Variants in CDYL observed in about 807,000 individuals in gnomAD.
CDYL encodes chromodomain Y-like protein.
A neutral mutation model predicts 47.3 loss-of-function variants in CDYL; 8 were observed. The observed-to-expected ratio is 0.17, with a 90% CI of 0.10 to 0.31. The LOEUF (loss-of-function observed/expected upper bound fraction) is 0.31. CDYL is among the 10% of genes least tolerant of loss of function. The pLI is 1.00. For missense variants in CDYL, 471 were observed against 701.4 expected, an observed-to-expected ratio of 0.67 and a Z score of 3.71; for synonymous variants, 266 against 265.0, an observed-to-expected ratio of 1.00 and a Z score of -0.04.
intron 2 of CDYL, among the ~76,000 whole-genome samples, chr6:4,721,153 G>A (rs192889924): frequency 7.9e-5 from 12 of 152,278 alleles, no homozygotes; most frequent in African/African-American, 2.6e-4. Context: ...ATGCAGGAAG[G>A]ATAGGGAAAC....
At chr6:4,927,122 C>A (rs1222812233) in intron 2 of CDYL, among the ~76,000 whole-genome samples, 1 of 152,164 alleles carries the variant, frequency 6.6e-6, no homozygotes, top group Non-Finnish European at 1.5e-5. Context: ...GGGCTTTTGG[C>A]AATTTTTCCA....
intron 1 of CDYL, among the ~76,000 whole-genome samples, chr6:4,790,817 G>A (rs1032782619): frequency 5.3e-5 from 8 of 152,200 alleles, no homozygotes; most frequent in Non-Finnish European, 1.0e-4. Context: ...ATCATGGAAA[G>A]CAATTTTTGA....
At chr6:4,777,405 C>T (rs1758499472) in intron 1 of CDYL, among the ~76,000 whole-genome samples, 1 of 152,198 alleles carries the variant, frequency 6.6e-6, no homozygotes, top group Non-Finnish European at 1.5e-5. Flanking sequence ...ATTTGCGCCG[C>T]AGCGTTGCAA....
chr6:4,833,136 G>A (rs1581197955), intron 1 of CDYL, among the ~76,000 whole-genome samples: 1 of 143,772 alleles, frequency 7.0e-6, no homozygotes, highest in South Asian at 2.2e-4. Context: ...GTTTGCTCTT[G>A]CTTTTCTAGT....
chr6:4,794,510 A>C (rs75513435), intron 1 of CDYL, among the ~76,000 whole-genome samples: 1 of 152,102 alleles, frequency 6.6e-6, no homozygotes, highest in Non-Finnish European at 1.5e-5. Flanking sequence ...AGTGCCGGGC[A>C]GGCTCCGGGG....
intron 1 of CDYL, among the ~76,000 whole-genome samples, chr6:4,822,384 A>T (rs1046961730): frequency 2.0e-5 from 3 of 150,954 alleles, no homozygotes; most frequent in African/African-American, 7.5e-5. Flanking sequence ...ATAGAAATAT[A>T]AAAAGCATTA....
At chr6:4,754,306 G>A (rs1029193208) in intron 3 of CDYL, among the ~76,000 whole-genome samples, 2 of 152,234 alleles carry the variant, frequency 1.3e-5, no homozygotes, top group African/African-American at 4.8e-5. Context: ...GTTAAGTCAT[G>A]AATGCAAACC....
chr6:4,721,219 AAAC>A (rs1263259841), intron 2 of CDYL, among the ~76,000 whole-genome samples: 2 of 152,176 alleles, frequency 1.3e-5, no homozygotes, highest in Non-Finnish European at 1.5e-5. Context: ...AACCACATTC[AAAC>A]AACCTTATTT....
In CDYL at chr6:4,708,601, T is replaced by C. The variant is rs562932715; in HGVS notation, c.-39+2350T>C. Among the ~76,000 whole-genome samples the C allele has an allele frequency of 2.0e-5, 3 of 152,394 alleles. No homozygotes were observed. In the South Asian group the frequency reaches 6.2e-4, roughly 32 times the overall value. ...GGTGTTATATGTTTATGATGATTATTTTGATTTTATACTGTTCCTTAAACA... is the reference window on the plus strand; with the variant it reads ...GGTGTTATATGTTTATGATGATTATCTTGATTTTATACTGTTCCTTAAACA... On this transcript the variant is annotated intron_variant, in intron 1 of 8. Coordinates refer to the CDYL transcript ENST00000328908.
chr6:4,721,208 A>G (rs9405768), intron 2 of CDYL, among the ~76,000 whole-genome samples: 19,507 of 152,168 alleles, frequency 0.13, 1,530 homozygotes, highest in African/African-American at 0.23. Context: ...TTTCAACTAG[A>G]AACCACATTC....
intron 3 of CDYL, among the ~76,000 whole-genome samples, chr6:4,735,900 C>T (rs572100515): frequency 1.8e-4 from 8 of 43,398 alleles, no homozygotes; most frequent in African/African-American, 4.1e-4. Context: ...CATGTGTGCA[C>T]GTGATGGGGG....
At chr6:4,802,908 C>A (rs62386577) in intron 1 of CDYL, among the ~76,000 whole-genome samples, 3 of 152,024 alleles carry the variant, frequency 2.0e-5, no homozygotes, top group African/African-American at 7.3e-5. Flanking sequence ...ACAGTGTGGC[C>A]TGGTACCTTT....
rs1561723016 is a variant in CDYL, at chr6:4,943,769, TTAA to T, written c.1332+14_1332+16del. 5 of 1,210,538 alleles carry T rather than the reference TTAA, an allele frequency of 4.1e-6. No homozygotes were observed. Among genetic ancestry groups the T allele is most frequent in the African/African-American group, 2.0e-5 (1 of 51,260 alleles). The allele number at this position is 1,210,538 out of a possible 1,614,324, so 75.0% of individuals were successfully genotyped here. On this transcript the variant is annotated intron_variant, in intron 5 of 6. Coordinates refer to ENST00000397588, the MANE Select transcript of CDYL (RefSeq NM_004824.4). ...GGGAGGAGCATCTGTGAGTACCTTT[TTAA>T]AAAAAAAAAAAAAAAGTCATTCTAG...
intron 1 of CDYL, among the ~76,000 whole-genome samples, chr6:4,872,483 G>C (rs1561680624): frequency 6.6e-6 from 1 of 151,954 alleles, no homozygotes; most frequent in Non-Finnish European, 1.5e-5. Context: ...CCAGGTTCAA[G>C]GATTCTCTTG....
chr6:4,949,986 G>A (rs1758647223), intron 5 of CDYL, among the ~76,000 whole-genome samples: 1 of 152,206 alleles, frequency 6.6e-6, no homozygotes, highest in Admixed American at 6.5e-5. Context: ...GGTAGGGAAA[G>A]GATCTCCAGG....
chr6:4,807,591 C>CTTTTTTTTTTTTTTTTTTTTTTTTT (rs70974139), intron 1 of CDYL, among the ~76,000 whole-genome samples: 1 of 42,898 alleles, frequency 2.3e-5, no homozygotes, highest in African/African-American at 8.9e-5. Context: ...TCATTCATGT[C>CTTTTTTTTTTTTTTTTTTTTTTTTT]TTTTTTTTTT....
chr6:4,929,519 CACACACAT>C (rs1321619075), intron 2 of CDYL, among the ~76,000 whole-genome samples: 1,626 of 151,714 alleles, frequency 0.011, 31 homozygotes, highest in African/African-American at 0.037. Context: ...CACACACACA[CACACACAT>C]ACATACACAC....
At chr6:4,739,721 G>C (rs9405776) in intron 3 of CDYL, among the ~76,000 whole-genome samples, 2 of 152,050 alleles carry the variant, frequency 1.3e-5, no homozygotes, top group African/African-American at 4.8e-5. Flanking sequence ...TGGGAGGTGA[G>C]GCAGGCAGAT....
At chr6:4,868,552 G>C (rs1481965159) in intron 1 of CDYL, among the ~76,000 whole-genome samples, 1 of 152,036 alleles carries the variant, frequency 6.6e-6, no homozygotes, top group Non-Finnish European at 1.5e-5. Flanking sequence ...AAATAACGGA[G>C]TCCTGTTTTA....
Sources: allele counts gnomAD v4.1 joint callset (sites outside exome capture counted in the v4.1 genomes callset), GRCh38; gene constraint gnomAD v4.1.1; transcripts MANE v1.5; gene names NCBI Gene and HGNC (gene_info 2026-07-23, HGNC 2026-07-21).